Variants in TDRD9 observed in about 807,000 individuals in gnomAD.
TDRD9 encodes ATP-dependent RNA helicase TDRD9.
TDRD9 carries 124 observed loss-of-function variants against 172.6 expected under a neutral mutation model. The observed-to-expected ratio is 0.72, with a 90% CI of 0.62 to 0.83. The LOEUF (loss-of-function observed/expected upper bound fraction) is 0.83, where lower values mean the gene tolerates loss of function less well. TDRD9 is among the 40% of genes least tolerant of loss of function. The pLI is 0.00. For synonymous variants in TDRD9, 619 were observed against 617.1 expected (o/e 1.00, Z -0.05); for missense variants, 1,479 against 1,714.1 (o/e 0.86, Z 2.42).
chr14:104,006,782 G>C lies in TDRD9; in HGVS notation c.1944G>C (p.Arg648Ser). Residue 648 changes from arginine to serine, a missense_variant and splice_region_variant, in exon 18 of 36, where the codon AGG (arginine) becomes AGC (serine). By Grantham distance (110) the Arg-to-Ser change is moderately radical. Around this residue, in one of 3 missense-constraint regions of TDRD9, gnomAD observed 1,413 missense variants for 1,649.1 expected, o/e 0.86. Coordinates refer to ENST00000409874, the MANE Select transcript of TDRD9 (RefSeq NM_153046.3). ...MPFRQHLDGYRNKVNFSGSSK... is the reference protein window; with the variant it reads ...MPFRQHLDGYSNKVNFSGSSK... ...GAATGACACTGTTATCTGTTTATAG[G>C]AACAAAGTGAATTTCTCTGGCAGTA... The C allele has an allele frequency of 6.2e-7, 1 of 1,613,464 alleles. No homozygotes were observed. The highest frequency in any genetic ancestry group is 1.3e-5 in the African/African-American group (1 of 75,036).
At chr14:103,986,159 C>G in intron 7 of TDRD9, 58 bp from the exon 8 acceptor site, 1 of 1,288,724 alleles carries the variant, frequency 7.8e-7, no homozygotes, top group African/African-American at 1.5e-5. Flanking sequence ...CATCCAACGC[C>G]AGGTTTCTTC....
chr14:103,999,875 A>G (rs2152210590), intron 13 of TDRD9, among the ~76,000 whole-genome samples: 1 of 152,310 alleles, frequency 6.6e-6, no homozygotes, highest in South Asian at 2.1e-4. Flanking sequence ...AGGCACAGAA[A>G]TAGTAACTTG....
chr14:103,951,576 AT>A (rs1326391147), intron 1 of TDRD9, among the ~76,000 whole-genome samples: 1 of 152,186 alleles, frequency 6.6e-6, no homozygotes, highest in Non-Finnish European at 1.5e-5. Flanking sequence ...AAATTTTTGT[AT>A]AATCTGTTTG....
In TDRD9 at chr14:104,035,027, C is replaced by G. The variant is rs755454702; in HGVS notation, c.3687C>G (p.Ser1229Arg). ...TCCCTGGCCTCCCGGCTCTCCTCAG[C>G]ATGTTATTCGCACCGGTGATAGAGT... ...PHIPGLPALL[S>R]MLFAPVIELR... The change falls in exon 32 of 36, where the codon AGC becomes AGG. Residue 1229 changes from serine to arginine, a missense_variant. By Grantham distance (110) the Ser-to-Arg change is moderately radical. Coordinates refer to ENST00000409874, the MANE Select transcript of TDRD9 (RefSeq NM_153046.3). 1 of 1,551,770 alleles carries G rather than the reference C, an allele frequency of 6.4e-7. No homozygotes were observed. The highest frequency in any genetic ancestry group is 1.2e-5 in the South Asian group (1 of 84,052).
At chr14:103,971,272 C>G (rs1034081619) in intron 6 of TDRD9, among the ~76,000 whole-genome samples, 1 of 151,340 alleles carries the variant, frequency 6.6e-6, no homozygotes, top group Admixed American at 6.6e-5. Context: ...TGTGAGCCAC[C>G]GCGCCTGGCC....
At chr14:104,002,595 G>GTT (rs2034298232) in intron 13 of TDRD9, among the ~76,000 whole-genome samples, 1 of 152,170 alleles carries the variant, frequency 6.6e-6, no homozygotes, top group Non-Finnish European at 1.5e-5. Context: ...CTGAAACCCG[G>GTT]TGATTGGCAT....
At chr14:104,018,444 A>G (rs1595992316) in intron 23 of TDRD9, among the ~76,000 whole-genome samples, 1 of 152,366 alleles carries the variant, frequency 6.6e-6, no homozygotes, top group East Asian at 1.9e-4. Context: ...AAGAAGGCTC[A>G]GTAACTCAGT....
chr14:103,928,539 C>T lies in TDRD9; in HGVS notation c.30C>T (p.Ile10=). ...TGCGGAAGCTCACCATCGAGCAGATCAACGACTGGTTCACCATCGGCAAGA... is the reference window on the plus strand; with the variant it reads ...TGCGGAAGCTCACCATCGAGCAGATTAACGACTGGTTCACCATCGGCAAGA... MLRKLTIEQ[I]NDWFTIGKTV... Residue 10 remains isoleucine, a synonymous_variant, in exon 1 of 36, where the codon ATC becomes ATT. Coordinates refer to ENST00000409874, the MANE Select transcript of TDRD9 (RefSeq NM_153046.3). 7.1e-7 allele frequency: 1 copy of T among 1,398,878 alleles called. No homozygotes were observed. Among genetic ancestry groups the T allele is most frequent in the Non-Finnish European group, 9.4e-7 (1 of 1,064,778 alleles). 86.7% of individuals were successfully genotyped at this position (1,398,878 alleles called of 1,614,324 possible).
chr14:104,007,681 T>C (rs1332147777), intron 19 of TDRD9, among the ~76,000 whole-genome samples: 1 of 152,072 alleles, frequency 6.6e-6, no homozygotes, highest in Non-Finnish European at 1.5e-5. Context: ...TCTAAACTTA[T>C]TTGGTTCAAC....
chr14:103,999,487 G>A (rs939981540), intron 13 of TDRD9, among the ~76,000 whole-genome samples: 2 of 152,114 alleles, frequency 1.3e-5, no homozygotes, highest in African/African-American at 4.8e-5. Flanking sequence ...GGTGTGTGGG[G>A]TCACTTTTGG....
chr14:104,046,925 C>T (rs1028307424), intron 34 of TDRD9, among the ~76,000 whole-genome samples: 17 of 152,186 alleles, frequency 1.1e-4, no homozygotes, highest in South Asian at 2.1e-4. Flanking sequence ...GGATTACAGG[C>T]GTGAGCCACC....
At chr14:103,986,367 T>A in intron 8 of TDRD9, 47 bp downstream of exon 8, 1 of 1,347,546 alleles carries the variant, frequency 7.4e-7, no homozygotes, top group Non-Finnish European at 1.0e-6. Flanking sequence ...ATATGTGATT[T>A]AAAAAATTAT....
chr14:103,972,543 A>G (rs1286556504), intron 6 of TDRD9, among the ~76,000 whole-genome samples: 4 of 152,250 alleles, frequency 2.6e-5, no homozygotes, highest in African/African-American at 7.2e-5. Context: ...ATAATTGTGC[A>G]GTCTAAATAA....
At chr14:104,032,205 C>A in intron 30 of TDRD9, 118 bp downstream of exon 30, 2 of 639,846 alleles carry the variant, frequency 3.1e-6, no homozygotes, top group South Asian at 2.5e-5. Flanking sequence ...CTTTTCTTTT[C>A]TTTTCTTTTC....
chr14:104,034,006 G>T lies in TDRD9; in HGVS notation c.3556G>T (p.Asp1186Tyr). The stretch of plus-strand genomic sequence containing the variant: ...GAGCATCAACTCTGTCATTATCAGT[G>T]ACGCCCCTGAAGACCTTCACCAGAG... ...KESINSVIIS[D>Y]APEDLHQRML... The change falls in exon 31 of 36, where the codon GAC becomes TAC. Residue 1186 changes from aspartate (D) to tyrosine (Y), a missense_variant. This residue lies in a region of TDRD9 where 1,413 missense variants were observed against 1,649.1 expected (regional missense o/e 0.86). Coordinates refer to ENST00000409874, the MANE Select transcript of TDRD9 (RefSeq NM_153046.3). 6.4e-7 allele frequency: 1 copy of T among 1,551,726 alleles called. No individual in the cohort carries two copies. Among genetic ancestry groups the T allele is most frequent in the Non-Finnish European group, 8.7e-7 (1 of 1,146,844 alleles).
intron 9 of TDRD9, 53 bp downstream of exon 9, chr14:103,991,277 T>C: frequency 1.3e-6 from 2 of 1,578,386 alleles, no homozygotes; most frequent in Non-Finnish European, 1.7e-6. Context: ...GGAGAGAGGC[T>C]AAGTTTGTGC....
chr14:104,051,149 G>T (rs186444434), intron 35 of TDRD9, among the ~76,000 whole-genome samples: 30 of 152,204 alleles, frequency 2.0e-4, no homozygotes, highest in Admixed American at 9.2e-4. Context: ...GGTGTTTCTT[G>T]TTCCCATCTT....
chr14:104,002,232 A>T (rs1191946455), intron 13 of TDRD9, among the ~76,000 whole-genome samples: 1 of 150,142 alleles, frequency 6.7e-6, no homozygotes, highest in Non-Finnish European at 1.5e-5. Context: ...AGGTGGGAGG[A>T]TAGATTGAGC....
At chr14:103,971,705 A>T (rs181311428) in intron 6 of TDRD9, among the ~76,000 whole-genome samples, 1 of 152,340 alleles carries the variant, frequency 6.6e-6, no homozygotes. Flanking sequence ...ACTAAGGGGC[A>T]TTCTTTTATG....
Sources: gnomAD v4.1 joint callset for allele counts (sites outside exome capture counted in the v4.1 genomes callset) on GRCh38, gnomAD v4.1.1 for gene constraint, gnomAD v4.1.1 regional missense constraint, MANE v1.5 for transcripts, NCBI Gene and HGNC (gene_info 2026-07-23, HGNC 2026-07-21) for gene names.